The following BTBD10 variants were observed in gnomAD, a reference collection of about 807,000 sequenced individuals.
BTBD10 encodes the protein BTB/POZ domain-containing protein 10.
A neutral mutation model predicts 53.2 loss-of-function variants in BTBD10; 21 were observed. That is an observed-to-expected ratio of 0.39 (90% confidence interval 0.28 to 0.57). The LOEUF (loss-of-function observed/expected upper bound fraction) is 0.57. Ranked by LOEUF, BTBD10 falls within the 20% of genes least tolerant of loss-of-function variation. The pLI is 0.53. For synonymous variants in BTBD10, 149 were observed against 192.7 expected, an observed-to-expected ratio of 0.77 and a Z score of 1.88; for missense variants, 360 against 594.7, an observed-to-expected ratio of 0.61 and a Z score of 4.10.
At chr11:13,399,298 T>C (rs1006518512) in intron 8 of BTBD10, among the ~76,000 whole-genome samples, 2 of 152,320 alleles carry the variant, frequency 1.3e-5, no homozygotes, top group Admixed American at 6.5e-5. Flanking sequence ...TCATTCATTT[T>C]GTCTTCCATC....
intron 6 of BTBD10, among the ~76,000 whole-genome samples, chr11:13,411,786 C>T (rs1949953445): frequency 6.6e-6 from 1 of 151,162 alleles, no homozygotes; most frequent in African/African-American, 2.4e-5. Context: ...TGAATAGACA[C>T]AAAACTTGAA....
At chr11:13,401,948 G>T (rs1949723626) in intron 8 of BTBD10, among the ~76,000 whole-genome samples, 1 of 152,096 alleles carries the variant, frequency 6.6e-6, no homozygotes, top group African/African-American at 2.4e-5. Flanking sequence ...CAACACTTTT[G>T]CACTTGCTAT....
chr11:13,448,608 T>G (rs1950793201), intron 1 of BTBD10, among the ~76,000 whole-genome samples: 1 of 152,182 alleles, frequency 6.6e-6, no homozygotes, highest in Non-Finnish European at 1.5e-5. Context: ...AATCTTCTTT[T>G]GACTCCTTCT....
At chr11:13,448,644 C>T (rs1184460295) in intron 1 of BTBD10, among the ~76,000 whole-genome samples, 1 of 152,160 alleles carries the variant, frequency 6.6e-6, no homozygotes. Flanking sequence ...ACGAGTGCTG[C>T]CTTTATTTAA....
intron 8 of BTBD10, among the ~76,000 whole-genome samples, chr11:13,391,730 G>A (rs1014856205): frequency 2.6e-5 from 4 of 152,210 alleles, no homozygotes; most frequent in Admixed American, 2.6e-4. Context: ...CGGATCATGA[G>A]GTCAAGAGAT....
At chr11:13,447,618 C>T (rs1077956) in intron 1 of BTBD10, among the ~76,000 whole-genome samples, 16,030 of 152,082 alleles carry the variant, frequency 0.11, 948 homozygotes, top group Middle Eastern at 0.15. Flanking sequence ...GTGGCAGGAG[C>T]GAAATTCCCA....
At chr11:13,445,647 C>T (rs955309949) in intron 1 of BTBD10, among the ~76,000 whole-genome samples, 6 of 152,004 alleles carry the variant, frequency 3.9e-5, no homozygotes, top group African/African-American at 1.4e-4. Flanking sequence ...ATTCCTTTAA[C>T]GAAGTTAAAA....
chr11:13,417,314 G>A, intron 4 of BTBD10, 54 bp from the exon 5 acceptor site: 1 of 1,274,398 alleles, frequency 7.8e-7, no homozygotes, highest in Non-Finnish European at 1.1e-6. Flanking sequence ...CTTCAAAAGG[G>A]AAAATAGATT....
Position 13,444,974 on chromosome 11 carries a change from A to T in BTBD10, c.101+50T>A, listed in dbSNP as rs756670993. On this transcript the variant is annotated intron_variant, in intron 2 of 8. Transcript: ENST00000278174. ...ACCAAATGCAGTAGTATTCTTTACAATCAGTTTTTAGCAGAGCTTTCATAT... is the reference window on the plus strand; with the variant it reads ...ACCAAATGCAGTAGTATTCTTTACATTCAGTTTTTAGCAGAGCTTTCATAT... 8 of 1,426,190 alleles carry T rather than the reference A, an allele frequency of 5.6e-6. No homozygotes were observed. The East Asian group carries it at 1.8e-4, about 33-fold the overall frequency. 88.3% of individuals were successfully genotyped at this position (1,426,190 alleles called of 1,614,324 possible). A position where few individuals can be genotyped will look rare whatever the true frequency, so the allele number is the denominator to read the frequency against.
chr11:13,416,953 C>T (rs183598743), intron 5 of BTBD10, among the ~76,000 whole-genome samples: 1 of 152,122 alleles, frequency 6.6e-6, no homozygotes, highest in East Asian at 1.9e-4. Context: ...CCACTGCACT[C>T]CATCCAGCCT....
At chr11:13,449,452 A>AT (rs1263239185) in intron 1 of BTBD10, among the ~76,000 whole-genome samples, 1 of 152,146 alleles carries the variant, frequency 6.6e-6, no homozygotes, top group East Asian at 1.9e-4. Flanking sequence ...AGCAAGGTAT[A>AT]TAAAAATTGG....
At chr11:13,396,036 C>T (rs987993731) in intron 8 of BTBD10, among the ~76,000 whole-genome samples, 4 of 152,076 alleles carry the variant, frequency 2.6e-5, no homozygotes, top group African/African-American at 9.6e-5. Context: ...TTTTTTGGTT[C>T]CATATGAACT....
At chr11:13,409,470 T>G (rs907553232) in intron 6 of BTBD10, among the ~76,000 whole-genome samples, 6 of 152,198 alleles carry the variant, frequency 3.9e-5, no homozygotes, top group African/African-American at 1.4e-4. Flanking sequence ...CATTAAATAT[T>G]TGTTTAATTC....
chr11:13,396,578 G>T (rs534599314), intron 8 of BTBD10, among the ~76,000 whole-genome samples: 2 of 152,114 alleles, frequency 1.3e-5, no homozygotes, highest in Middle Eastern at 3.2e-3. Context: ...CAACACTATG[G>T]TGAATAGTTG....
At chr11:13,395,395 T>A (rs999210947) in intron 8 of BTBD10, among the ~76,000 whole-genome samples, 1 of 152,220 alleles carries the variant, frequency 6.6e-6, no homozygotes, top group African/African-American at 2.4e-5. Context: ...GGGTTGTTTT[T>A]TTCTTGTAAA....
intron 2 of BTBD10, among the ~76,000 whole-genome samples, chr11:13,429,585 C>T (rs1293581159): frequency 6.7e-6 from 1 of 149,804 alleles, no homozygotes; most frequent in Non-Finnish European, 1.5e-5. Flanking sequence ...AATGAATATA[C>T]AATAGGTATT....
intron 6 of BTBD10, among the ~76,000 whole-genome samples, chr11:13,406,491 G>A (rs1949830745): frequency 6.6e-6 from 1 of 151,866 alleles, no homozygotes; most frequent in Non-Finnish European, 1.5e-5. Flanking sequence ...AACATCTCAA[G>A]AACTACTGCT....
At chr11:13,403,987 G>A (rs542691106) in intron 7 of BTBD10, among the ~76,000 whole-genome samples, 5 of 152,124 alleles carry the variant, frequency 3.3e-5, no homozygotes, top group Admixed American at 6.5e-5. Flanking sequence ...TCTCTCTTTC[G>A]GGTTGAGTTA....
intron 8 of BTBD10, among the ~76,000 whole-genome samples, chr11:13,395,083 G>T (rs1277745018): frequency 5.4e-5 from 8 of 147,022 alleles, no homozygotes; most frequent in African/African-American, 2.0e-4. Context: ...GGGTCAAATG[G>T]TATTTCTAGT....
Sources: gnomAD v4.1 joint callset for allele counts (sites outside exome capture counted in the v4.1 genomes callset) on GRCh38, gnomAD v4.1.1 for gene constraint, MANE v1.5 for transcripts, NCBI Gene and HGNC (gene_info 2026-07-23, HGNC 2026-07-21) for gene names.